Variants in ADM5 observed in about 807,000 individuals in gnomAD.
ADM5 encodes putative adrenomedullin-5-like protein.
A neutral mutation model predicts 2.9 loss-of-function variants in ADM5; 1 was observed. The ratio of observed to expected loss-of-function variants is 0.35; its 90% confidence interval spans 0.12 to 1.65. The LOEUF (loss-of-function observed/expected upper bound fraction) is 1.65, where lower values mean the gene tolerates loss of function less well. Among genes scored for constraint, ADM5 ranks in the 40% most tolerant of loss-of-function variants. The pLI, the probability that ADM5 is intolerant of heterozygous loss-of-function variation, is 0.36. For synonymous variants in ADM5, 90 were observed against 91.1 expected (o/e 0.99, Z 0.07); for missense variants, 192 against 205.2 (o/e 0.94, Z 0.39).
chr19:49,690,066 T>C lies in ADM5; in HGVS notation c.75-40T>C. On this transcript the variant is annotated intron_variant, in intron 1 of 1. Coordinates refer to ENST00000420022, the MANE Select transcript of ADM5 (RefSeq NM_001101340.2). The surrounding 1 kb of genome is among the most constrained non-coding windows in gnomAD (Gnocchi z 4.4). Reference sequence around the variant, plus strand: ...ACCTCCATCACGCTCCATCTCTCAATTCGGTTTGAACCCGGTTTTCTCCCA... The same window carrying C: ...ACCTCCATCACGCTCCATCTCTCAACTCGGTTTGAACCCGGTTTTCTCCCA... 6.4e-7 allele frequency: 1 copy of C among 1,550,390 alleles called. No homozygotes were observed. Among genetic ancestry groups the C allele is most frequent in the Admixed American group, 1.9e-5 (1 of 51,814 alleles).
rs1747514862 is a variant in ADM5, at chr19:49,690,080, G to C, written c.75-26G>C. 5 of 1,546,494 alleles carry C rather than the reference G, an allele frequency of 3.2e-6. No individual in the cohort carries two copies. The highest frequency in any genetic ancestry group is 4.4e-6 in the Non-Finnish European group (5 of 1,143,652). ...CCATCTCTCAATTCGGTTTGAACCC[G>C]GTTTTCTCCCACGCTCCCTCTCCAG... On this transcript the variant is annotated intron_variant, in intron 1 of 1. Transcript: ENST00000420022. This position sits in a 1 kb window ranked among gnomAD's most constrained non-coding sequence, Gnocchi z 4.4.
Position 49,690,353 on chromosome 19 carries a change from T to C in ADM5, c.322T>C (p.Trp108Arg). The C allele has an allele frequency of 6.4e-7, 1 of 1,551,604 alleles. No individual in the cohort carries two copies. Among genetic ancestry groups the C allele is most frequent in the Non-Finnish European group, 8.7e-7 (1 of 1,146,886 alleles). The change falls in exon 2 of 2, where the codon TGG becomes CGG. Residue 108 changes from tryptophan to arginine, a missense_variant. Coordinates refer to ENST00000420022, the MANE Select transcript of ADM5 (RefSeq NM_001101340.2). This position sits in a 1 kb window ranked among gnomAD's most constrained non-coding sequence, Gnocchi z 4.4. ...GGGGCTAGCGCAGTGCCCAGCTCGCTGGGTGACCTCGGGCACGGCTCGTCC... is the reference window on the plus strand; with the variant it reads ...GGGGCTAGCGCAGTGCCCAGCTCGCCGGGTGACCTCGGGCACGGCTCGTCC... ...ARGLAQCPAR[W>R]VTSGTARPLL...
chr19:49,689,902 C>T lies in ADM5; in HGVS notation c.65C>T (p.Thr22Ile). ...LAFSAQGDLD[T>I]AARRGQHQVP... is the part of the protein sequence containing the mutation. ...TTCTCCGCCCAAGGGGACCTGGACACTGCAGCCAGGTGAGAAACCCGGGTG... is the reference window on the plus strand; with the variant it reads ...TTCTCCGCCCAAGGGGACCTGGACATTGCAGCCAGGTGAGAAACCCGGGTG... Residue 22 changes from threonine to isoleucine, a missense_variant, in exon 1 of 2, where the codon ACT (threonine) becomes ATT (isoleucine). Physicochemically the swap from Thr to Ile is moderately conservative, Grantham distance 89. Coordinates refer to ENST00000420022, the MANE Select transcript of ADM5 (RefSeq NM_001101340.2). The T allele has an allele frequency of 2.5e-6, 4 of 1,613,986 alleles. No homozygotes were observed. Among genetic ancestry groups the T allele is most frequent in the South Asian group, 2.2e-5 (2 of 91,090 alleles).
rs2082295799 is a variant in ADM5 at position 49,690,079 on chromosome 19, C to T, written c.75-27C>T. 1 of 1,545,836 alleles carries T rather than the reference C, an allele frequency of 6.5e-7. No individual in the cohort carries two copies. The highest frequency in any genetic ancestry group is 8.7e-7 in the Non-Finnish European group (1 of 1,143,248). Reference sequence around the variant, plus strand: ...TCCATCTCTCAATTCGGTTTGAACCCGGTTTTCTCCCACGCTCCCTCTCCA... The same window carrying T: ...TCCATCTCTCAATTCGGTTTGAACCTGGTTTTCTCCCACGCTCCCTCTCCA... On this transcript the variant is annotated intron_variant, in intron 1 of 1. Coordinates refer to ENST00000420022, the MANE Select transcript of ADM5 (RefSeq NM_001101340.2). The surrounding 1 kb of genome is among the most constrained non-coding windows in gnomAD (Gnocchi z 4.4).
In ADM5 at chr19:49,690,444, C is replaced by T; in HGVS notation, c.413C>T (p.Thr138Ile). The T allele has an allele frequency of 6.5e-7, 1 of 1,542,862 alleles. No homozygotes were observed. The highest frequency in any genetic ancestry group is 8.8e-7 in the Non-Finnish European group (1 of 1,140,908). The change falls in exon 2 of 2, where the codon ACT becomes ATT. Residue 138 changes from threonine to isoleucine, a missense_variant. Coordinates refer to ENST00000420022, the MANE Select transcript of ADM5 (RefSeq NM_001101340.2). This position sits in a 1 kb window ranked among gnomAD's most constrained non-coding sequence, Gnocchi z 4.4. ...ELLLHISSPL[T>I]PAPETVFPSP... Reference sequence around the variant, plus strand: ...CTACTCCACATTTCTTCTCCCCTAACTCCAGCCCCTGAAACCGTCTTCCCC... The same window carrying T: ...CTACTCCACATTTCTTCTCCCCTAATTCCAGCCCCTGAAACCGTCTTCCCC...
chr19:49,689,956 GTAAAGGGCGAGCGCCCTCT>G (rs2082292207), intron 1 of ADM5, 45 bp downstream of exon 1: 1 of 1,613,290 alleles, frequency 6.2e-7, no homozygotes, highest in Non-Finnish European at 8.5e-7. Context: ...GAGGGAGACC[GTAAAGGGCGAGCGCCCTCT>G]CCCGGCCGCG....
Position 49,689,669 on chromosome 19 carries a change from G to T in ADM5, c.-169G>T. On this transcript the variant is annotated 5_prime_UTR_variant, in exon 1 of 2. Transcript: ENST00000420022. ...GTTTGAATCCTGCCCCTCTGGTGTG[G>T]TGCGGCCTCTTCCCACAGACTTTTG... The T allele has an allele frequency of 1.3e-6, 1 of 797,524 alleles. No individual in the cohort carries two copies. The allele number at this position is 797,524 out of a possible 1,614,324, so 49.4% of individuals were successfully genotyped here.
Position 49,690,566 on chromosome 19 carries a change from C to A in ADM5, c.*73C>A. 2.3e-6 allele frequency: 3 copies of A among 1,327,888 alleles called. No individual in the cohort carries two copies. Among genetic ancestry groups the A allele is most frequent in the African/African-American group, 1.5e-5 (1 of 67,126 alleles). 82.3% of individuals were successfully genotyped at this position (1,327,888 alleles called of 1,614,324 possible). ...GCCCAGAGCCGAATAAACAAGAGTT[C>A]CGTGTTTCAGTCTCTGCTTCTCTGT... On this transcript the variant is annotated 3_prime_UTR_variant, in exon 2 of 2. Coordinates refer to ENST00000420022, the MANE Select transcript of ADM5 (RefSeq NM_001101340.2). The surrounding 1 kb of genome is among the most constrained non-coding windows in gnomAD (Gnocchi z 4.4).
chr19:49,690,168 C>G lies in ADM5; in HGVS notation c.137C>G (p.Thr46Ser), dbSNP rs746551412. 8 of 1,569,366 alleles carry G rather than the reference C, an allele frequency of 5.1e-6. No homozygotes were observed. The Admixed American group carries it at 1.3e-4, about 26-fold the overall frequency. ...GHVCYLGVCR[T>S]HRLAEIIYWI... Reference sequence around the variant, plus strand: ...GTCTGCTACCTGGGCGTATGCCGGACCCACCGCCTGGCGGAGATCATATAC... The same window carrying G: ...GTCTGCTACCTGGGCGTATGCCGGAGCCACCGCCTGGCGGAGATCATATAC... The change falls in exon 2 of 2, where the codon ACC (threonine) becomes AGC (serine). Residue 46 changes from threonine (T) to serine (S), a missense_variant. By Grantham distance (58) the Thr-to-Ser change is moderately conservative (BLOSUM62 1). Transcript: ENST00000420022. The surrounding 1 kb of genome is among the most constrained non-coding windows in gnomAD (Gnocchi z 4.4).
chr19:49,689,961 G>A, intron 1 of ADM5, 50 bp downstream of exon 1: 1 of 1,612,832 alleles, frequency 6.2e-7, no homozygotes, highest in Non-Finnish European at 8.5e-7. Flanking sequence ...AGACCGTAAA[G>A]GGCGAGCGCC....
chr19:49,690,078 C>T lies in ADM5; in HGVS notation c.75-28C>T. The T allele has an allele frequency of 3.9e-6, 6 of 1,545,426 alleles. No homozygotes were observed. Among genetic ancestry groups the T allele is most frequent in the Non-Finnish European group, 5.2e-6 (6 of 1,142,986 alleles). ...CTCCATCTCTCAATTCGGTTTGAAC[C>T]CGGTTTTCTCCCACGCTCCCTCTCC... On this transcript the variant is annotated intron_variant, in intron 1 of 1. Coordinates refer to ENST00000420022, the MANE Select transcript of ADM5 (RefSeq NM_001101340.2). The surrounding 1 kb of genome is among the most constrained non-coding windows in gnomAD (Gnocchi z 4.4).
Position 49,689,709 on chromosome 19 carries a change from C to T in ADM5, c.-129C>T. The T allele has an allele frequency of 1.7e-6, 2 of 1,207,812 alleles. No homozygotes were observed. Among genetic ancestry groups the T allele is most frequent in the Non-Finnish European group, 2.4e-6 (2 of 834,606 alleles). 74.8% of individuals were successfully genotyped at this position (1,207,812 alleles called of 1,614,324 possible). On this transcript the variant is annotated 5_prime_UTR_variant, in exon 1 of 2. Coordinates refer to ENST00000420022, the MANE Select transcript of ADM5 (RefSeq NM_001101340.2). ...ACAGACTTTTGGCCTCAGTGTTCCC[C>T]GCCTGGGAAGTGGGGACTGGCCCTG...
rs747874644 is a variant in ADM5 at position 49,689,745 on chromosome 19, C to T, written c.-93C>T. ...TGGGGACTGGCCCTGGTACCTGGCT[C>T]CAGAGCTGCACCCAGAGGCGATCAG... On this transcript the variant is annotated 5_prime_UTR_variant, in exon 1 of 2. Coordinates refer to ENST00000420022, the MANE Select transcript of ADM5 (RefSeq NM_001101340.2). The T allele has an allele frequency of 1.3e-5, 20 of 1,506,714 alleles. No homozygotes were observed. Among genetic ancestry groups the T allele is most frequent in the Non-Finnish European group, 1.7e-5 (18 of 1,087,060 alleles). The allele number at this position is 1,506,714 out of a possible 1,614,324, so 93.3% of individuals were successfully genotyped here. A position where few individuals can be genotyped will look rare whatever the true frequency, so the allele number is the denominator to read the frequency against.
chr19:49,690,197 AT>A lies in ADM5; in HGVS notation c.168del (p.Arg57AlafsTer45). 1.3e-6 allele frequency: 2 copies of A among 1,562,864 alleles called. No homozygotes were observed. The highest frequency in any genetic ancestry group is 1.7e-6 in the Non-Finnish European group (2 of 1,154,328). Reference protein sequence around the residue: ...THRLAEIIYWIRCLHQGALGE... With the variant: ...THRLAEIIYWXRCLHQGALGE... ...CCGCCTGGCGGAGATCATATACTGG[AT>A]TCGCTGTCTCCACCAAGGAGCCCTC... On this transcript the variant is annotated frameshift_variant, in exon 2 of 2. Coordinates refer to ENST00000420022, the MANE Select transcript of ADM5 (RefSeq NM_001101340.2). LOFTEE classifies it low-confidence loss of function (END_TRUNC). This position sits in a 1 kb window ranked among gnomAD's most constrained non-coding sequence, Gnocchi z 4.4.
Position 49,689,710 on chromosome 19 carries a change from G to T in ADM5, c.-128G>T. The T allele has an allele frequency of 8.3e-7, 1 of 1,207,616 alleles. No individual in the cohort carries two copies. The highest frequency in any genetic ancestry group is 1.2e-6 in the Non-Finnish European group (1 of 833,288). 74.8% of individuals were successfully genotyped at this position (1,207,616 alleles called of 1,614,324 possible). Reference sequence around the variant, plus strand: ...CAGACTTTTGGCCTCAGTGTTCCCCGCCTGGGAAGTGGGGACTGGCCCTGG... The same window carrying T: ...CAGACTTTTGGCCTCAGTGTTCCCCTCCTGGGAAGTGGGGACTGGCCCTGG... On this transcript the variant is annotated 5_prime_UTR_variant, in exon 1 of 2. Coordinates refer to ENST00000420022, the MANE Select transcript of ADM5 (RefSeq NM_001101340.2).
In ADM5 at chr19:49,689,777, G is replaced by T; in HGVS notation, c.-61G>T. On this transcript the variant is annotated 5_prime_UTR_variant, in exon 1 of 2. Coordinates refer to ENST00000420022, the MANE Select transcript of ADM5 (RefSeq NM_001101340.2). ...TGCACCCAGAGGCGATCAGCCCGGT[G>T]CGGGAACGGGGCGGGGTGGCCGCAA... is the stretch of plus-strand genomic sequence containing the variant. The T allele has an allele frequency of 6.3e-7, 1 of 1,597,448 alleles. No homozygotes were observed.
In ADM5 at chr19:49,689,883, G is replaced by A. The variant is rs775073277; in HGVS notation, c.46G>A (p.Ala16Thr). ...LILLLLLAFS[A>T]QGDLDTAARR... ...CCTGCTGTTGCTCCTCGCCTTCTCC[G>A]CCCAAGGGGACCTGGACACTGCAGC... Residue 16 changes from alanine to threonine, a missense_variant, in exon 1 of 2, where the codon GCC becomes ACC. Ala to Thr is a moderately conservative substitution (Grantham distance 58). Transcript: ENST00000420022. The A allele has an allele frequency of 2.5e-6, 4 of 1,613,974 alleles. No homozygotes were observed. Among genetic ancestry groups the A allele is most frequent in the African/African-American group, 1.3e-5 (1 of 75,068 alleles).
Position 49,689,760 on chromosome 19 carries a change from G to A in ADM5, c.-78G>A, listed in dbSNP as rs1208049955. ...GTACCTGGCTCCAGAGCTGCACCCA[G>A]AGGCGATCAGCCCGGTGCGGGAACG... On this transcript the variant is annotated 5_prime_UTR_variant, in exon 1 of 2. Transcript: ENST00000420022. The A allele has an allele frequency of 6.4e-7, 1 of 1,572,910 alleles. No homozygotes were observed. The highest frequency in any genetic ancestry group is 8.7e-7 in the Non-Finnish European group (1 of 1,144,418).
Position 49,690,565 on chromosome 19 carries a change from T to C in ADM5, c.*72T>C. On this transcript the variant is annotated 3_prime_UTR_variant, in exon 2 of 2. Transcript: ENST00000420022. The surrounding 1 kb of genome is among the most constrained non-coding windows in gnomAD (Gnocchi z 4.4). Reference sequence around the variant, plus strand: ...CGCCCAGAGCCGAATAAACAAGAGTTCCGTGTTTCAGTCTCTGCTTCTCTG... The same window carrying C: ...CGCCCAGAGCCGAATAAACAAGAGTCCCGTGTTTCAGTCTCTGCTTCTCTG... 7.5e-7 allele frequency: 1 copy of C among 1,332,758 alleles called. No homozygotes were observed. The allele number at this position is 1,332,758 out of a possible 1,614,324, so 82.6% of individuals were successfully genotyped here. A position where few individuals can be genotyped will look rare whatever the true frequency, so the allele number is the denominator to read the frequency against.
Sources: allele counts gnomAD v4.1 joint callset, GRCh38; gene constraint gnomAD v4.1.1; non-coding constraint Gnocchi (gnomAD v3.1); transcripts MANE v1.5; gene names NCBI Gene and HGNC (gene_info 2026-07-23, HGNC 2026-07-21).